Variants in ITGB5 observed in about 807,000 individuals in gnomAD.
ITGB5 encodes integrin subunit beta 5, also known as integrin beta-5.
Under a neutral mutation model 84.8 loss-of-function variants are expected in ITGB5, and 38 were observed. That is an observed-to-expected ratio of 0.45 (90% confidence interval 0.35 to 0.59). The LOEUF (loss-of-function observed/expected upper bound fraction) is 0.59, where lower values mean the gene tolerates loss of function less well. Ranked by LOEUF, ITGB5 falls within the 20% of genes least tolerant of loss-of-function variation. The pLI is 0.01. For synonymous variants in ITGB5, 393 were observed against 414.4 expected, an observed-to-expected ratio of 0.95 and a Z score of 0.63; for missense variants, 905 against 1,034.5, an observed-to-expected ratio of 0.87 and a Z score of 1.72.
intron 5 of ITGB5, 53 bp downstream of exon 5, chr3:124,841,330 C>T (rs944921806): frequency 1.8e-5 from 28 of 1,559,186 alleles, no homozygotes; most frequent in African/African-American, 2.7e-5. Context: ...CACCCACTGA[C>T]GCTCTCTACC....
chr3:124,763,776 G>A (rs1055474544), intron 14 of ITGB5, 58 bp from the exon 15 acceptor site: 29 of 996,036 alleles, frequency 2.9e-5, no homozygotes, highest in African/African-American at 7.9e-5. Flanking sequence ...CACTCAAACC[G>A]ACAGACGCAG....
At chr3:124,846,714 G>A (rs1172403556) in intron 4 of ITGB5, among the ~76,000 whole-genome samples, 2 of 151,998 alleles carry the variant, frequency 1.3e-5, no homozygotes, top group African/African-American at 2.4e-5. Context: ...TGGATGGGTC[G>A]CTTGACGTCA....
chr3:124,777,357 C>G (rs1362453345), intron 10 of ITGB5, among the ~76,000 whole-genome samples: 1 of 152,250 alleles, frequency 6.6e-6, no homozygotes, highest in Non-Finnish European at 1.5e-5. Context: ...ATCAGAAAAC[C>G]TTCATCTGCA....
At chr3:124,792,959 C>G (rs1426151393) in intron 10 of ITGB5, 3 of 152,150 alleles carry the variant, frequency 2.0e-5, no homozygotes, top group African/African-American at 7.2e-5. Context: ...CTCTCATACC[C>G]CATCTCCCAC....
intron 9 of ITGB5, among the ~76,000 whole-genome samples, chr3:124,801,271 C>A (rs1388170546): frequency 1.3e-5 from 2 of 152,156 alleles, no homozygotes; most frequent in African/African-American, 4.8e-5. Context: ...TAAACTGACT[C>A]CCGATGGTTG....
chr3:124,815,736 C>A (rs1261719102), intron 8 of ITGB5, among the ~76,000 whole-genome samples: 1 of 152,212 alleles, frequency 6.6e-6, no homozygotes, highest in Non-Finnish European at 1.5e-5. Flanking sequence ...CACAGGCCTG[C>A]CCCTCCTTCC....
Position 124,859,296 on chromosome 3 carries a change from C to A in ITGB5, c.307G>T (p.Gly103Cys). The A allele has an allele frequency of 6.2e-7, 1 of 1,614,154 alleles. No individual in the cohort carries two copies. The highest frequency in any genetic ancestry group is 8.5e-7 in the Non-Finnish European group (1 of 1,180,032). ...GGTGTCATCTGAATGACGTCCCAGC[C>A]TGCAGAGCCCGAACCCTTGCTGCTG... The part of the protein sequence containing the change: ...PLSSKGSGSA[G>C]WDVIQMTPQE... Residue 103 changes from glycine (G) to cysteine (C), a missense_variant, in exon 3 of 15, where the codon GGC becomes TGC. Coordinates refer to ENST00000296181, the MANE Select transcript of ITGB5 (RefSeq NM_002213.5).
chr3:124,865,474 C>CTTTTTTTTTTTTTTTTTT (rs1559977008), intron 2 of ITGB5, among the ~76,000 whole-genome samples: 1 of 57,876 alleles, frequency 1.7e-5, no homozygotes, highest in Non-Finnish European at 3.4e-5. Context: ...TCCTTTGCGG[C>CTTTTTTTTTTTTTTTTTT]TTTTTTCTTT....
At chr3:124,820,996 GAC>G (rs2064693151) in intron 6 of ITGB5, among the ~76,000 whole-genome samples, 1 of 152,178 alleles carries the variant, frequency 6.6e-6, no homozygotes, top group African/African-American at 2.4e-5. Context: ...CCTCCTTTAA[GAC>G]ACCCTCCCCA....
chr3:124,766,513 A>G (rs1210051028), intron 12 of ITGB5, among the ~76,000 whole-genome samples, 168 bp from the exon 13 acceptor site: 1 of 152,194 alleles, frequency 6.6e-6, no homozygotes, highest in Non-Finnish European at 1.5e-5. Flanking sequence ...GTTTTCTCAC[A>G]CCAAGAATGC....
chr3:124,892,203 A>G (rs575609379), upstream of ITGB5, among the ~76,000 whole-genome samples: 6 of 152,124 alleles, frequency 3.9e-5, no homozygotes, highest in African/African-American at 1.4e-4. Context: ...AAATACTTTC[A>G]GTTTGGTCTC....
chr3:124,814,741 T>C (rs980434244), intron 8 of ITGB5, among the ~76,000 whole-genome samples: 3 of 152,170 alleles, frequency 2.0e-5, no homozygotes, highest in African/African-American at 4.8e-5. Context: ...CCACCACGCC[T>C]GGTCATAATC....
chr3:124,821,546 C>A, intron 5 of ITGB5, 72 bp from the exon 6 acceptor site: 3 of 1,533,670 alleles, frequency 2.0e-6, no homozygotes, highest in Non-Finnish European at 2.7e-6. Flanking sequence ...AGGGCACTGG[C>A]CCCTCTCCAG....
upstream of ITGB5, chr3:124,887,854 G>C: frequency 3.5e-6 from 1 of 285,446 alleles, no homozygotes; most frequent in South Asian, 2.8e-5. Flanking sequence ...AGCGACTTCT[G>C]GATGAGCAAG....
In ITGB5 at chr3:124,846,721, G is replaced by A. The variant is rs534751109; in HGVS notation, c.611+1588C>T. ...GGCTGAGGTGGATGGGTCGCTTGAC[G>A]TCAGGAGTTCAAGACCAGCCTGGCC... On this transcript the variant is annotated intron_variant, in intron 4 of 14. Transcript: ENST00000296181. Among the ~76,000 whole-genome samples the A allele has an allele frequency of 7.6e-4, 115 of 152,154 alleles. 2 individuals carry two copies. The highest frequency in any genetic ancestry group is 1.2e-3 in the Non-Finnish European group (81 of 67,982).
At chr3:124,898,798 G>A (rs1340534974) in intron 1 of ITGB5, among the ~76,000 whole-genome samples, 2 of 134,910 alleles carry the variant, frequency 1.5e-5, no homozygotes, top group Non-Finnish European at 3.1e-5. Flanking sequence ...AAAAAAGGCC[G>A]GGCGCACTGG....
intron 8 of ITGB5, among the ~76,000 whole-genome samples, chr3:124,814,456 G>A (rs558267106): frequency 6.1e-5 from 9 of 148,540 alleles, no homozygotes; most frequent in African/African-American, 2.2e-4. Context: ...TGTCAATAAG[G>A]CTTTACAATT....
chr3:124,766,382 C>G, intron 12 of ITGB5, 37 bp from the exon 13 acceptor site: 1 of 1,610,620 alleles, frequency 6.2e-7, no homozygotes, highest in Non-Finnish European at 8.5e-7. Context: ...CTGAGTCTCT[C>G]TGAGCAGCCC....
chr3:124,780,113 C>A (rs892019708), intron 10 of ITGB5, among the ~76,000 whole-genome samples: 1 of 122,580 alleles, frequency 8.2e-6, no homozygotes, highest in African/African-American at 4.3e-5. Context: ...AGGCAGGGCA[C>A]GGGGACCCTC....
Sources: allele counts gnomAD v4.1 joint callset (sites outside exome capture counted in the v4.1 genomes callset), GRCh38; gene constraint gnomAD v4.1.1; transcripts MANE v1.5; gene names NCBI Gene and HGNC (gene_info 2026-07-23, HGNC 2026-07-21).